The following NUBPL variants were observed in gnomAD, a reference collection of about 807,000 sequenced individuals.
The protein encoded by NUBPL is iron-sulfur cluster transfer protein NUBPL.
Under a neutral mutation model 45.7 loss-of-function variants are expected in NUBPL, and 31 were observed. That is an observed-to-expected ratio of 0.68 (90% confidence interval 0.51 to 0.92). The LOEUF (loss-of-function observed/expected upper bound fraction) is 0.92. Ranked by LOEUF, NUBPL falls within the 40% of genes least tolerant of loss-of-function variation. The pLI is 0.00. For missense variants in NUBPL, 401 were observed against 398.7 expected, an observed-to-expected ratio of 1.01 and a Z score of -0.05; for synonymous variants, 144 against 140.9, an observed-to-expected ratio of 1.02 and a Z score of -0.15.
At chr14:31,799,251 T>G (rs1362298508) in intron 7 of NUBPL, among the ~76,000 whole-genome samples, 2 of 152,156 alleles carry the variant, frequency 1.3e-5, no homozygotes, top group African/African-American at 4.8e-5. Flanking sequence ...AAAAATCCTT[T>G]TTTATAGTGT....
chr14:31,645,676 A>AT (rs1285516246), intron 4 of NUBPL, among the ~76,000 whole-genome samples: 3 of 152,100 alleles, frequency 2.0e-5, no homozygotes, highest in Non-Finnish European at 4.4e-5. Context: ...TTGCAAAAAA[A>AT]CATAACAAGC....
chr14:31,658,537 G>T (rs1177978747), intron 4 of NUBPL, among the ~76,000 whole-genome samples: 1 of 151,238 alleles, frequency 6.6e-6, no homozygotes, highest in Non-Finnish European at 1.5e-5. Context: ...TTTTGAAAGG[G>T]AGTCTCACTC....
intron 8 of NUBPL, among the ~76,000 whole-genome samples, chr14:31,835,895 G>T (rs555180259): frequency 6.6e-6 from 1 of 152,250 alleles, no homozygotes; most frequent in African/African-American, 2.4e-5. Flanking sequence ...ATTTAACAAT[G>T]AATTTTTCCT....
At chr14:31,761,007 A>G (rs2038796261) in intron 6 of NUBPL, among the ~76,000 whole-genome samples, 1 of 152,012 alleles carries the variant, frequency 6.6e-6, no homozygotes, top group Non-Finnish European at 1.5e-5. Context: ...TACTTTTTAC[A>G]TTTTAAAATT....
At chr14:31,799,970 A>G (rs2039554035) in intron 7 of NUBPL, among the ~76,000 whole-genome samples, 1 of 152,214 alleles carries the variant, frequency 6.6e-6, no homozygotes. Context: ...TGTTTTATCA[A>G]CTAAGTGTGT....
chr14:31,575,772 A>G (rs2033701247), intron 3 of NUBPL, among the ~76,000 whole-genome samples: 1 of 152,194 alleles, frequency 6.6e-6, no homozygotes, highest in Admixed American at 6.5e-5. Flanking sequence ...TTTCTTATGA[A>G]AAAAATTGTG....
At chr14:31,851,726 A>T (rs1383249214) in intron 10 of NUBPL, among the ~76,000 whole-genome samples, 1 of 145,296 alleles carries the variant, frequency 6.9e-6, no homozygotes, top group Non-Finnish European at 1.5e-5. Flanking sequence ...TATATGAAAA[A>T]GTTCTTTGAA....
At chr14:31,805,349 C>G (rs994632041) in intron 7 of NUBPL, among the ~76,000 whole-genome samples, 6 of 152,306 alleles carry the variant, frequency 3.9e-5, no homozygotes, top group South Asian at 2.1e-4. Flanking sequence ...TTGTGGAAAG[C>G]AGTATGGTGA....
intron 6 of NUBPL, among the ~76,000 whole-genome samples, chr14:31,700,131 G>A (rs1376231274): frequency 6.6e-6 from 1 of 152,098 alleles, no homozygotes; most frequent in African/African-American, 2.4e-5. Flanking sequence ...TTCATTATTT[G>A]GGCTTAATTA....
intron 3 of NUBPL, among the ~76,000 whole-genome samples, chr14:31,585,125 C>T (rs1210710558): frequency 6.6e-6 from 1 of 152,154 alleles, no homozygotes; most frequent in East Asian, 1.9e-4. Context: ...CAAGGTTCAT[C>T]CATGTTGTAG....
intron 4 of NUBPL, among the ~76,000 whole-genome samples, chr14:31,616,993 C>G (rs531102617): frequency 6.6e-6 from 1 of 151,954 alleles, no homozygotes; most frequent in Non-Finnish European, 1.5e-5. Context: ...CTTCATGTCC[C>G]TTGTAAGTTG....
intron 4 of NUBPL, among the ~76,000 whole-genome samples, chr14:31,640,113 C>T (rs572249008): frequency 1.3e-5 from 2 of 152,252 alleles, no homozygotes; most frequent in African/African-American, 4.8e-5. Flanking sequence ...CACTGTCAGG[C>T]ACTCCCTAGT....
chr14:31,615,718 C>G (rs1052359100), intron 4 of NUBPL, among the ~76,000 whole-genome samples: 2 of 152,156 alleles, frequency 1.3e-5, no homozygotes, highest in African/African-American at 4.8e-5. Flanking sequence ...TGGGTGGGTT[C>G]CAAGTCTTTG....
At chr14:31,707,596 A>T (rs368863199) in intron 6 of NUBPL, among the ~76,000 whole-genome samples, 35 of 152,182 alleles carry the variant, frequency 2.3e-4, no homozygotes, top group African/African-American at 7.9e-4. Context: ...ATTCCAGGGA[A>T]CCCTTGCAAC....
intron 6 of NUBPL, among the ~76,000 whole-genome samples, chr14:31,757,240 C>T (rs915295905): frequency 7.6e-6 from 1 of 131,536 alleles, no homozygotes; most frequent in Admixed American, 8.2e-5. Flanking sequence ...AGGATTCCCT[C>T]TTTTTCTGTT....
At chr14:31,709,134 T>C (rs2139918149) in intron 6 of NUBPL, among the ~76,000 whole-genome samples, 1 of 152,300 alleles carries the variant, frequency 6.6e-6, no homozygotes, top group East Asian at 1.9e-4. Context: ...AAATTTTGTT[T>C]AGGGCCCAGG....
Position 31,564,863 on chromosome 14 carries a change from T to C in NUBPL, c.257-151T>C, listed in dbSNP as rs1161343926. ...GTGCTTGCTCTTTACAAGTAAGGGA[T>C]ATATGTTCAAAATTTATATGCTTAG... On this transcript the variant is annotated intron_variant, in intron 2 of 10. Coordinates refer to ENST00000281081, the MANE Select transcript of NUBPL (RefSeq NM_025152.3). 4 of 527,134 alleles carry C rather than the reference T, an allele frequency of 7.6e-6. No homozygotes were observed. In the Admixed American group the frequency reaches 1.0e-4, roughly 13 times the overall value. The allele number at this position is 527,134 out of a possible 1,614,324, so 32.7% of individuals were successfully genotyped here.
At chr14:31,704,348 C>T (rs2037400849) in intron 6 of NUBPL, among the ~76,000 whole-genome samples, 1 of 152,136 alleles carries the variant, frequency 6.6e-6, no homozygotes, top group South Asian at 2.1e-4. Flanking sequence ...TACTTATATT[C>T]TTTCTGATAG....
chr14:31,598,175 A>G (rs1029357930), intron 3 of NUBPL, among the ~76,000 whole-genome samples: 10 of 152,196 alleles, frequency 6.6e-5, no homozygotes, highest in Non-Finnish European at 1.3e-4. Flanking sequence ...ATATATATGT[A>G]TATTTAAACT....
Sources: allele counts gnomAD v4.1 joint callset (sites outside exome capture counted in the v4.1 genomes callset), GRCh38; gene constraint gnomAD v4.1.1; transcripts MANE v1.5; gene names NCBI Gene and HGNC (gene_info 2026-07-23, HGNC 2026-07-21).